Variants in ZFAT observed in about 807,000 individuals in gnomAD.
ZFAT encodes zinc finger protein ZFAT.
In ZFAT, 64 loss-of-function variants were observed where a neutral mutation model predicts 117.7. That is an observed-to-expected ratio of 0.54 (90% CI 0.44 to 0.67). The LOEUF is 0.67. Among genes scored for constraint, ZFAT ranks in the 30% least tolerant of loss-of-function variants. ZFAT has a pLI of 0.00. For missense variants in ZFAT, 1,433 were observed against 1,584.5 expected (o/e 0.90, Z 1.62); for synonymous variants, 679 against 615.0 (o/e 1.10, Z -1.54).
At chr8:134,695,355 C>T (rs186668831) in intron 1 of ZFAT, among the ~76,000 whole-genome samples, 27 of 152,316 alleles carry the variant, frequency 1.8e-4, no homozygotes, top group African/African-American at 5.8e-4. Context: ...AGCCACTCCC[C>T]GGCTGCCAGG....
intron 1 of ZFAT, 45 bp downstream of exon 1, chr8:134,712,800 G>GCCCC: frequency 8.8e-7 from 1 of 1,140,184 alleles, no homozygotes; most frequent in Non-Finnish European, 1.2e-6. Flanking sequence ...GCCGCGCCGC[G>GCCCC]CCCCACCCCC....
chr8:134,795,125 C>T, the ZFAT span: 1 of 152,180 alleles, frequency 6.6e-6, no homozygotes, highest in Admixed American at 6.5e-5. Context: ...TATATATTTG[C>T]TCTTCATCTC....
the ZFAT span, among the ~76,000 whole-genome samples, chr8:134,773,392 C>A: frequency 6.6e-6 from 1 of 152,180 alleles, no homozygotes; most frequent in Non-Finnish European, 1.5e-5. Context: ...GACAATGCAC[C>A]TAGTTGTTGA....
chr8:134,550,486 T>C (rs74829176), intron 11 of ZFAT, among the ~76,000 whole-genome samples: 2,491 of 152,294 alleles, frequency 0.016, 59 homozygotes, highest in African/African-American at 0.058. Context: ...AGTTCAAAAA[T>C]GGCTTGTGTT....
intron 1 of ZFAT, among the ~76,000 whole-genome samples, chr8:134,694,453 G>A (rs1051090248): frequency 2.6e-5 from 4 of 152,200 alleles, no homozygotes; most frequent in Admixed American, 6.6e-5. Context: ...AGGAGACTGA[G>A]TGAAGGGCAT....
rs899197418 is a variant in ZFAT at position 134,690,769 on chromosome 8, T to C, written c.19+22076A>G. On this transcript the variant is annotated intron_variant, in intron 1 of 15. Coordinates refer to ENST00000377838, the MANE Select transcript of ZFAT (RefSeq NM_020863.4). ...ACCAAAATACAAAATAAATATTTAA[T>C]GTATTCTCCAAATATCTGGGCTGTT... Among the ~76,000 whole-genome samples the C allele has an allele frequency of 5.9e-5, 9 of 152,324 alleles. No homozygotes were observed. In the South Asian group the frequency reaches 1.9e-3, roughly 32 times the overall value.
the ZFAT span, among the ~76,000 whole-genome samples, chr8:134,745,213 A>T: frequency 6.6e-6 from 1 of 152,202 alleles, no homozygotes; most frequent in Non-Finnish European, 1.5e-5. Flanking sequence ...GAAGGGAATC[A>T]TATGGCATGT....
At chr8:134,775,249 G>T in the ZFAT span, among the ~76,000 whole-genome samples, 3 of 152,122 alleles carry the variant, frequency 2.0e-5, no homozygotes, top group African/African-American at 7.2e-5. Context: ...ATACTGTCTT[G>T]TCCCCTTAGG....
intron 15 of ZFAT, among the ~76,000 whole-genome samples, chr8:134,480,793 A>C (rs1433864380): frequency 2.0e-5 from 3 of 151,950 alleles, no homozygotes; most frequent in Admixed American, 6.5e-5. Flanking sequence ...TCTACTCCCC[A>C]CCTCTTCTGA....
At chr8:134,698,805 T>C (rs1833940825) in intron 1 of ZFAT, among the ~76,000 whole-genome samples, 1 of 152,196 alleles carries the variant, frequency 6.6e-6, no homozygotes, top group Non-Finnish European at 1.5e-5. Context: ...TCAATGTTCC[T>C]GCCTACCTGA....
chr8:134,650,127 C>CTT (rs746564611), intron 2 of ZFAT, among the ~76,000 whole-genome samples: 2 of 143,830 alleles, frequency 1.4e-5, no homozygotes, highest in Non-Finnish European at 3.1e-5. Flanking sequence ...TATTTTTTTT[C>CTT]TTTTTTTTTT....
chr8:134,554,088 C>T lies in ZFAT; in HGVS notation c.2976+11245G>A, dbSNP rs549632680. Among the ~76,000 whole-genome samples the T allele has an allele frequency of 6.8e-4, 104 of 152,282 alleles. 2 individuals carry two copies. In the Middle Eastern group the frequency reaches 0.024, roughly 35 times the overall value. The stretch of plus-strand genomic sequence containing the variant: ...GACAGCTGGCAGAGGACTCTCTCCT[C>T]GTGACTCTGCACCCACCCAGATTAC... On this transcript the variant is annotated intron_variant, in intron 11 of 15. Transcript: ENST00000377838.
intron 3 of ZFAT, among the ~76,000 whole-genome samples, chr8:134,637,040 T>A (rs1016617530): frequency 6.6e-6 from 1 of 152,258 alleles, no homozygotes; most frequent in Non-Finnish European, 1.5e-5. Context: ...CGTCCTTCCT[T>A]CAATTCAATG....
the ZFAT span, among the ~76,000 whole-genome samples, chr8:134,732,134 C>T: frequency 6.6e-6 from 1 of 152,304 alleles, no homozygotes; most frequent in African/African-American, 2.4e-5. Flanking sequence ...AAACTGTGAG[C>T]CCCACACTAT....
the ZFAT span, among the ~76,000 whole-genome samples, chr8:134,744,950 C>T: frequency 6.6e-6 from 1 of 151,142 alleles, no homozygotes; most frequent in African/African-American, 2.4e-5. Flanking sequence ...AGGATGGTCT[C>T]GATCGCCTGA....
chr8:134,690,170 G>A (rs1042103796), intron 1 of ZFAT, among the ~76,000 whole-genome samples: 1 of 152,130 alleles, frequency 6.6e-6, no homozygotes, highest in African/African-American at 2.4e-5. Flanking sequence ...CCCTGCAGAC[G>A]AGAGAAATGT....
intron 11 of ZFAT, among the ~76,000 whole-genome samples, chr8:134,556,274 A>T (rs1260949197): frequency 6.6e-6 from 1 of 152,110 alleles, no homozygotes; most frequent in African/African-American, 2.4e-5. Context: ...TAAAAAGAAG[A>T]ATTAAAGGGA....
chr8:134,540,734 T>A (rs1403351110), intron 11 of ZFAT, among the ~76,000 whole-genome samples: 3 of 152,272 alleles, frequency 2.0e-5, no homozygotes, highest in African/African-American at 7.2e-5. Context: ...CACTCTCATA[T>A]GCCTTTATTC....
the ZFAT span, among the ~76,000 whole-genome samples, chr8:134,799,465 T>C: frequency 6.6e-6 from 1 of 152,360 alleles, no homozygotes; most frequent in Admixed American, 6.5e-5. Context: ...TAATTTTCAG[T>C]ATTTTAAGTA....
Sources: gnomAD v4.1 joint callset for allele counts (sites outside exome capture counted in the v4.1 genomes callset) on GRCh38, gnomAD v4.1.1 for gene constraint, MANE v1.5 for transcripts, NCBI Gene and HGNC (gene_info 2026-07-23, HGNC 2026-07-21) for gene names.